GALNTL6: variants seen among roughly 807,000 people sequenced by gnomAD.
The protein encoded by GALNTL6 is polypeptide N-acetylgalactosaminyltransferase like 6, also known as polypeptide N-acetylgalactosaminyltransferase-like 6.
A neutral mutation model predicts 73.7 loss-of-function variants in GALNTL6; 46 were observed. The observed-to-expected ratio is 0.62, with a 90% CI of 0.49 to 0.80. The LOEUF is 0.80. Among genes scored for constraint, GALNTL6 ranks in the 30% least tolerant of loss-of-function variants. The pLI is 0.00. For synonymous variants in GALNTL6, 259 were observed against 263.7 expected (o/e 0.98, Z 0.17); for missense variants, 604 against 755.0 (o/e 0.80, Z 2.34).
chr4:172,152,760 C>G (rs762242815), intron 2 of GALNTL6, among the ~76,000 whole-genome samples: 1 of 152,170 alleles, frequency 6.6e-6, no homozygotes, highest in African/African-American at 2.4e-5. Flanking sequence ...AGGCACCCAC[C>G]ACGACGACAA....
chr4:172,782,787 A>G (rs886983352), intron 5 of GALNTL6, among the ~76,000 whole-genome samples: 1 of 152,104 alleles, frequency 6.6e-6, no homozygotes, highest in Non-Finnish European at 1.5e-5. Flanking sequence ...CAGAAGGAAG[A>G]AAAAAGCAAT....
chr4:172,949,159 A>G lies in GALNTL6; in HGVS notation c.1150-2878A>G, dbSNP rs146735257. Among the ~76,000 whole-genome samples, 302 of 152,330 alleles carry G rather than the reference A, an allele frequency of 2.0e-3. 6 individuals carry two copies. Among genetic ancestry groups the G allele is most frequent in the Non-Finnish European group, 4.9e-4 (33 of 68,036 alleles). Reference sequence around the variant, plus strand: ...GCACACTATGAATTTGTTCACATTCATTTCATCATATGGTCTTTCATTAAT... The same window carrying G: ...GCACACTATGAATTTGTTCACATTCGTTTCATCATATGGTCTTTCATTAAT... On this transcript the variant is annotated intron_variant, in intron 9 of 12. Transcript: ENST00000506823.
chr4:172,226,898 C>T (rs780806168), intron 2 of GALNTL6, among the ~76,000 whole-genome samples: 4 of 151,984 alleles, frequency 2.6e-5, no homozygotes, highest in Admixed American at 6.6e-5. Flanking sequence ...TCTGTATCTC[C>T]GAAGGAACTT....
chr4:172,223,702 A>G (rs1736761302), intron 2 of GALNTL6, among the ~76,000 whole-genome samples: 1 of 152,140 alleles, frequency 6.6e-6, no homozygotes, highest in African/African-American at 2.4e-5. Context: ...AAAGACAGAC[A>G]TACTTGGATC....
Position 173,040,103 on chromosome 4 carries a change from A to G in GALNTL6, c.*3A>G. ...TTAACCACCATGCCAACTCCTAGAAAGAAGAAAGGAAGAAAGAGTGATTAC... is the reference window on the plus strand; with the variant it reads ...TTAACCACCATGCCAACTCCTAGAAGGAAGAAAGGAAGAAAGAGTGATTAC... On this transcript the variant is annotated 3_prime_UTR_variant, in exon 13 of 13. Coordinates refer to ENST00000506823, the MANE Select transcript of GALNTL6 (RefSeq NM_001034845.3). 6.2e-7 allele frequency: 1 copy of G among 1,605,400 alleles called. No individual in the cohort carries two copies. Among genetic ancestry groups the G allele is most frequent in the Non-Finnish European group, 8.5e-7 (1 of 1,174,216 alleles).
At chr4:172,191,082 G>A (rs1457948433) in intron 2 of GALNTL6, among the ~76,000 whole-genome samples, 1 of 152,214 alleles carries the variant, frequency 6.6e-6, no homozygotes, top group African/African-American at 2.4e-5. Context: ...CAGAAGAGAT[G>A]TCTTCTCCAG....
chr4:173,032,157 A>G (rs1166866799), intron 12 of GALNTL6, among the ~76,000 whole-genome samples: 1 of 152,218 alleles, frequency 6.6e-6, no homozygotes, highest in African/African-American at 2.4e-5. Context: ...TACCATTAAA[A>G]GTAATACAAG....
At chr4:171,916,810 C>A (rs1385947527) in intron 2 of GALNTL6, among the ~76,000 whole-genome samples, 1 of 151,988 alleles carries the variant, frequency 6.6e-6, no homozygotes, top group Non-Finnish European at 1.5e-5. Flanking sequence ...GGTGTAAAGG[C>A]ACTTTGTTAT....
chr4:172,791,934 G>A (rs1228346858), intron 5 of GALNTL6, among the ~76,000 whole-genome samples: 1 of 152,188 alleles, frequency 6.6e-6, no homozygotes, highest in African/African-American at 2.4e-5. Context: ...TCTACTGAGA[G>A]TTCATTTTTG....
chr4:172,778,713 C>A (rs1052388646), intron 5 of GALNTL6, among the ~76,000 whole-genome samples: 1 of 152,164 alleles, frequency 6.6e-6, no homozygotes, highest in Non-Finnish European at 1.5e-5. Flanking sequence ...TCAACTGTCA[C>A]GACCAAACTT....
At chr4:172,556,739 C>A (rs1736154823) in intron 5 of GALNTL6, among the ~76,000 whole-genome samples, 2 of 146,674 alleles carry the variant, frequency 1.4e-5, no homozygotes, top group Admixed American at 6.8e-5. Flanking sequence ...CTGCTAGACC[C>A]ACACCAAAAA....
Position 172,499,111 on chromosome 4 carries a change from TA to T in GALNTL6, c.553+150425del, listed in dbSNP as rs565351286. Reference sequence around the variant, plus strand: ...AACCAGGAGATGGCTAAGAATAAAATAAATAATACAATACATAATAAAAATA... The same window carrying T: ...AACCAGGAGATGGCTAAGAATAAAATAATAATACAATACATAATAAAAATA... On this transcript the variant is annotated intron_variant, in intron 5 of 12. Transcript: ENST00000506823. Among the ~76,000 whole-genome samples, 4 of 152,198 alleles carry T rather than the reference TA, an allele frequency of 2.6e-5. 1 individual carries two copies. In the South Asian group the frequency reaches 6.2e-4, roughly 24 times the overall value.
intron 8 of GALNTL6, among the ~76,000 whole-genome samples, chr4:172,887,748 G>A (rs1411703113): frequency 6.6e-6 from 1 of 152,000 alleles, no homozygotes; most frequent in African/African-American, 2.4e-5. Flanking sequence ...ATTTTTTGTA[G>A]AGACGGGGTT....
intron 2 of GALNTL6, among the ~76,000 whole-genome samples, chr4:172,165,039 T>C (rs58946548): frequency 0.03 from 4,540 of 152,252 alleles, 204 homozygotes; most frequent in African/African-American, 0.1. Context: ...ATCTGGACTA[T>C]ATGTCTTCAG....
intron 2 of GALNTL6, among the ~76,000 whole-genome samples, chr4:171,866,284 AT>A (rs1225454415): frequency 2.6e-5 from 4 of 151,870 alleles, no homozygotes; most frequent in African/African-American, 7.3e-5. Context: ...TTAAATGTTT[AT>A]TTTTCTTTAA....
At chr4:172,432,932 T>C (rs1026909125) in intron 5 of GALNTL6, among the ~76,000 whole-genome samples, 1 of 152,180 alleles carries the variant, frequency 6.6e-6, no homozygotes, top group Non-Finnish European at 1.5e-5. Flanking sequence ...TTTTCTCTAA[T>C]TGATCAAGCC....
chr4:172,367,870 G>C (rs1057129028), intron 5 of GALNTL6, among the ~76,000 whole-genome samples: 1 of 152,092 alleles, frequency 6.6e-6, no homozygotes, highest in African/African-American at 2.4e-5. Context: ...TCGCTTATAA[G>C]GTTAATGTAA....
intron 5 of GALNTL6, among the ~76,000 whole-genome samples, chr4:172,664,531 T>A (rs1305309083): frequency 2.0e-5 from 3 of 152,192 alleles, no homozygotes; most frequent in Non-Finnish European, 2.9e-5. Context: ...CCAGTTTAGG[T>A]GAGAGAGCCA....
chr4:172,573,989 A>G (rs1441387255), intron 5 of GALNTL6, among the ~76,000 whole-genome samples: 1 of 152,098 alleles, frequency 6.6e-6, no homozygotes, highest in Non-Finnish European at 1.5e-5. Context: ...ATACTTCTCC[A>G]CTATTAACAC....
Sources: allele counts gnomAD v4.1 joint callset (sites outside exome capture counted in the v4.1 genomes callset), GRCh38; gene constraint gnomAD v4.1.1; transcripts MANE v1.5; gene names NCBI Gene and HGNC (gene_info 2026-07-23, HGNC 2026-07-21).